Variants in ADAMTSL1 observed in about 807,000 individuals in gnomAD.
The protein encoded by ADAMTSL1 is ADAMTS-like protein 1.
Under a neutral mutation model 201.8 loss-of-function variants are expected in ADAMTSL1, and 126 were observed. The ratio of observed to expected loss-of-function variants is 0.62; its 90% CI spans 0.54 to 0.72. The LOEUF is 0.72. ADAMTSL1 is among the 30% of genes least tolerant of loss of function. ADAMTSL1 has a pLI of 0.00. For synonymous variants in ADAMTSL1, 1,121 were observed against 903.4 expected, an observed-to-expected ratio of 1.24 and a Z score of -4.32; for missense variants, 2,679 against 2,277.8, an observed-to-expected ratio of 1.18 and a Z score of -3.59.
intron 2 of ADAMTSL1, among the ~76,000 whole-genome samples, chr9:18,166,276 T>C (rs1172551317): frequency 2.6e-5 from 4 of 151,894 alleles, no homozygotes; most frequent in Non-Finnish European, 5.9e-5. Context: ...CTCATTTGTG[T>C]TGAGGGTTTA....
intron 2 of ADAMTSL1, among the ~76,000 whole-genome samples, chr9:18,185,926 G>C (rs1327047069): frequency 6.6e-6 from 1 of 152,124 alleles, no homozygotes; most frequent in Non-Finnish European, 1.5e-5. Flanking sequence ...AATAGTTTGA[G>C]AATTTAAAAT....
intron 1 of ADAMTSL1, among the ~76,000 whole-genome samples, chr9:17,993,414 G>C (rs1385316722): frequency 2.6e-5 from 4 of 152,094 alleles, no homozygotes; most frequent in African/African-American, 9.7e-5. Flanking sequence ...TGAAGTTCAT[G>C]CCTTTCAGTT....
chr9:18,379,701 A>T (rs976658032), intron 2 of ADAMTSL1, among the ~76,000 whole-genome samples: 5 of 152,214 alleles, frequency 3.3e-5, no homozygotes, highest in African/African-American at 1.2e-4. Flanking sequence ...CTGGTTTTAT[A>T]CCGGATGAGA....
intron 2 of ADAMTSL1, among the ~76,000 whole-genome samples, chr9:18,174,650 G>C (rs1451742792): frequency 6.6e-6 from 1 of 152,002 alleles, no homozygotes; most frequent in East Asian, 1.9e-4. Context: ...TTTCAGAGTA[G>C]GTAGAAATTT....
intron 14 of ADAMTSL1, among the ~76,000 whole-genome samples, chr9:18,713,576 C>G (rs1007530381): frequency 2.6e-5 from 4 of 151,038 alleles, no homozygotes; most frequent in African/African-American, 9.7e-5. Flanking sequence ...GCACCCAATA[C>G]AGGAGCACCC....
chr9:18,154,670 G>C (rs771216819), intron 1 of ADAMTSL1, among the ~76,000 whole-genome samples: 67 of 151,976 alleles, frequency 4.4e-4, no homozygotes, highest in Non-Finnish European at 7.1e-4. Flanking sequence ...CTTCCCCCGA[G>C]GAATACATGG....
chr9:18,273,599 C>T (rs559589847), intron 2 of ADAMTSL1, among the ~76,000 whole-genome samples: 8 of 152,220 alleles, frequency 5.3e-5, no homozygotes, highest in Non-Finnish European at 1.2e-4. Flanking sequence ...ATATTCTCAA[C>T]AAATTTAGTC....
intron 2 of ADAMTSL1, among the ~76,000 whole-genome samples, chr9:18,457,510 T>C (rs1007168614): frequency 6.6e-6 from 1 of 152,080 alleles, no homozygotes; most frequent in Non-Finnish European, 1.5e-5. Context: ...TTTTTCTTAG[T>C]TTTTGTAGAG....
chr9:18,362,988 A>G (rs1169080101), intron 2 of ADAMTSL1, among the ~76,000 whole-genome samples: 1 of 152,236 alleles, frequency 6.6e-6, no homozygotes, highest in Non-Finnish European at 1.5e-5. Flanking sequence ...ACTGGCATGG[A>G]TATTAAACAG....
chr9:18,028,097 G>C (rs1374449973), intron 1 of ADAMTSL1, among the ~76,000 whole-genome samples: 1 of 152,072 alleles, frequency 6.6e-6, no homozygotes, highest in South Asian at 2.1e-4. Context: ...GCCTATGGGT[G>C]TCAATGCATG....
chr9:18,729,647 A>G (rs575276644), intron 15 of ADAMTSL1, among the ~76,000 whole-genome samples: 1 of 152,334 alleles, frequency 6.6e-6, no homozygotes, highest in Admixed American at 6.5e-5. Context: ...ACAAATGTCT[A>G]TTGAATGCCT....
Position 18,649,444 on chromosome 9 carries a change from T to G in ADAMTSL1, c.835-8195T>G, listed in dbSNP as rs140950105. Among the ~76,000 whole-genome samples, 966 of 152,342 alleles carry G rather than the reference T, an allele frequency of 6.3e-3. 8 individuals carry two copies. Among genetic ancestry groups the G allele is most frequent in the African/African-American group, 0.021 (887 of 41,580 alleles). On this transcript the variant is annotated intron_variant, in intron 7 of 28. Coordinates refer to ENST00000380548, the MANE Select transcript of ADAMTSL1 (RefSeq NM_001040272.6). Reference sequence around the variant, plus strand: ...CGTTGCTGGTGAGGAGCTGCATTCCTTTGGATGAGGAGAGGTGCTCTGATT... The same window carrying G: ...CGTTGCTGGTGAGGAGCTGCATTCCGTTGGATGAGGAGAGGTGCTCTGATT...
At chr9:18,014,208 C>T (rs1304530879) in intron 1 of ADAMTSL1, among the ~76,000 whole-genome samples, 1 of 152,004 alleles carries the variant, frequency 6.6e-6, no homozygotes, top group Non-Finnish European at 1.5e-5. Context: ...CATACACTTC[C>T]AGGATGCTAC....
intron 7 of ADAMTSL1, among the ~76,000 whole-genome samples, chr9:18,644,385 A>AT (rs34597500): frequency 0.22 from 33,667 of 151,058 alleles, 3,816 homozygotes; most frequent in Admixed American, 0.25. Flanking sequence ...TTTTATTTTT[A>AT]TTTTTTTAAT....
intron 1 of ADAMTSL1, among the ~76,000 whole-genome samples, chr9:18,052,136 T>C (rs1586951798): frequency 6.6e-6 from 1 of 152,234 alleles, no homozygotes; most frequent in East Asian, 1.9e-4. Flanking sequence ...AAAATCATTG[T>C]CATACTTCTA....
chr9:18,329,699 G>A (rs1205217864), intron 2 of ADAMTSL1, among the ~76,000 whole-genome samples: 1 of 152,058 alleles, frequency 6.6e-6, no homozygotes, highest in African/African-American at 2.4e-5. Context: ...CAAGTGCTGC[G>A]GCCAAAACCA....
At chr9:18,025,899 T>C (rs538019730) in intron 1 of ADAMTSL1, among the ~76,000 whole-genome samples, 1 of 152,290 alleles carries the variant, frequency 6.6e-6, no homozygotes, top group African/African-American at 2.4e-5. Flanking sequence ...GGAATGTTTT[T>C]CCATTTGTTT....
At chr9:18,253,021 A>T (rs926627596) in intron 2 of ADAMTSL1, among the ~76,000 whole-genome samples, 1 of 152,224 alleles carries the variant, frequency 6.6e-6, no homozygotes, top group Admixed American at 6.5e-5. Context: ...TGATTGTGGC[A>T]TGTCCATACT....
At chr9:18,834,119 G>A (rs555453481) in intron 23 of ADAMTSL1, among the ~76,000 whole-genome samples, 7 of 152,194 alleles carry the variant, frequency 4.6e-5, no homozygotes, top group African/African-American at 1.2e-4. Context: ...GTTGGGTAGC[G>A]TGATGCCTCC....
Sources: gnomAD v4.1 joint callset for allele counts (sites outside exome capture counted in the v4.1 genomes callset) on GRCh38, gnomAD v4.1.1 for gene constraint, MANE v1.5 for transcripts, NCBI Gene and HGNC (gene_info 2026-07-23, HGNC 2026-07-21) for gene names.